The following B4GALT2 variants were observed in gnomAD, a reference collection of about 807,000 sequenced individuals.
B4GALT2 encodes N-acetyllactosamine synthase.
In B4GALT2, 18 loss-of-function variants were observed where a neutral mutation model predicts 33.2. That is an observed-to-expected ratio of 0.54 (90% confidence interval 0.38 to 0.80). The LOEUF is 0.80. B4GALT2 is among the 30% of genes least tolerant of loss of function. The probability of loss-of-function intolerance (pLI) is 0.00; values close to 1 mark genes in which losing one functional copy is unlikely to be tolerated. For missense variants in B4GALT2, 404 were observed against 526.2 expected, an observed-to-expected ratio of 0.77 and a Z score of 2.27; for synonymous variants, 214 against 217.6, an observed-to-expected ratio of 0.98 and a Z score of 0.15.
intron 6 of B4GALT2, 170 bp downstream of exon 6, chr1:43,985,791 C>T (rs1034474634): frequency 5.5e-5 from 36 of 649,556 alleles, no homozygotes; most frequent in East Asian, 2.7e-4. Flanking sequence ...ATCCAAGGCC[C>T]CTCAGGACTG....
chr1:43,984,632 T>G lies in B4GALT2; in HGVS notation c.550-233T>G, dbSNP rs1206845782. ...ATTCCGGGGCTGCTGAGGGATGTTG[T>G]GTGGCTGGGCCTCGGGACCTGAGGG... is the stretch of plus-strand genomic sequence containing the variant. On this transcript the variant is annotated intron_variant, in intron 3 of 6. Coordinates refer to ENST00000372324, the MANE Select transcript of B4GALT2 (RefSeq NM_003780.5). The surrounding 1 kb of genome is among the most constrained non-coding windows in gnomAD (Gnocchi z 5.6). 6.6e-6 allele frequency among the ~76,000 whole-genome samples: 1 copy of G among 152,182 alleles called. No homozygotes were observed. The highest frequency in any genetic ancestry group is 6.5e-5 in the Admixed American group (1 of 15,276).
Position 43,979,670 on chromosome 1 carries a change from C to A in B4GALT2, c.-53+159C>A. On this transcript the variant is annotated intron_variant, in intron 1 of 6. Transcript: ENST00000372324. The surrounding 1 kb of genome is among the most constrained non-coding windows in gnomAD (Gnocchi z 4.8). ...GGCCTGGCTGCCCCCACCCCGCCCCCACTCCGGCGCCCCTCCTGGGCTTCT... is the reference window on the plus strand; with the variant it reads ...GGCCTGGCTGCCCCCACCCCGCCCCAACTCCGGCGCCCCTCCTGGGCTTCT... 1 of 222,672 alleles carries A rather than the reference C, an allele frequency of 4.5e-6. No individual in the cohort carries two copies. Among genetic ancestry groups the A allele is most frequent in the East Asian group, 9.9e-5 (1 of 10,140 alleles). 13.8% of individuals were successfully genotyped at this position (222,672 alleles called of 1,614,324 possible). A position where few individuals can be genotyped will look rare whatever the true frequency, so the allele number is the denominator to read the frequency against.
At chr1:43,983,977 C>T (rs908754254) in intron 3 of B4GALT2, among the ~76,000 whole-genome samples, 1 of 152,204 alleles carries the variant, frequency 6.6e-6, no homozygotes, top group Non-Finnish European at 1.5e-5. Flanking sequence ...CACCGATCCC[C>T]TCTCCAGGAA....
In B4GALT2 at chr1:43,984,927, G is replaced by A; in HGVS notation, c.612G>A (p.Lys204=). Residue 204 remains lysine (K), a synonymous_variant, in exon 4 of 7, where the codon AAG becomes AAA. Coordinates refer to ENST00000372324, the MANE Select transcript of B4GALT2 (RefSeq NM_003780.5). The surrounding 1 kb of genome is among the most constrained non-coding windows in gnomAD (Gnocchi z 5.6). ...LLNVGFLEAL[K]EDAAYDCFIF... ...ACGTGGGCTTCCTAGAGGCGCTGAA[G>A]GAGGATGCCGCCTATGACTGCTTCA... 1 of 1,614,098 alleles carries A rather than the reference G, an allele frequency of 6.2e-7. No individual in the cohort carries two copies.
chr1:43,981,334 T>C lies in B4GALT2; in HGVS notation c.174T>C (p.Ala58=). 1 of 1,601,402 alleles carries C rather than the reference T, an allele frequency of 6.2e-7. No homozygotes were observed. Among genetic ancestry groups the C allele is most frequent in the Non-Finnish European group, 8.5e-7 (1 of 1,179,798 alleles). The stretch of plus-strand genomic sequence containing the variant: ...CTGCCCATGCCCTCCACCCAGCTGC[T>C]AGCAGCAGCAGCAGCAGCAGCAACT... ...RGPAHALHPA[A]SSSSSSSNCS... is the part of the protein sequence containing the mutation. Residue 58 remains alanine (A), a synonymous_variant, in exon 2 of 7, where the codon GCT becomes GCC. Coordinates refer to ENST00000372324, the MANE Select transcript of B4GALT2 (RefSeq NM_003780.5). This position sits in a 1 kb window ranked among gnomAD's most constrained non-coding sequence, Gnocchi z 8.1.
chr1:43,980,567 C>G lies in B4GALT2; in HGVS notation c.-52-542C>G, dbSNP rs569302707. The G allele has an allele frequency of 6.0e-6, 6 of 995,056 alleles. No individual in the cohort carries two copies. In the African/African-American group the frequency reaches 1.0e-4, roughly 17 times the overall value. 61.6% of individuals were successfully genotyped at this position (995,056 alleles called of 1,614,324 possible). A position where few individuals can be genotyped will look rare whatever the true frequency, so the allele number is the denominator to read the frequency against. ...ATGACCAAACCACTTCCCACCATGGCTCCTGGAAGGACTAAATGAAGTCAT... is the reference window on the plus strand; with the variant it reads ...ATGACCAAACCACTTCCCACCATGGGTCCTGGAAGGACTAAATGAAGTCAT... On this transcript the variant is annotated intron_variant, in intron 1 of 6. Coordinates refer to ENST00000372324, the MANE Select transcript of B4GALT2 (RefSeq NM_003780.5).
chr1:43,985,935 T>C (rs914317161), intron 6 of B4GALT2: 8 of 410,120 alleles, frequency 2.0e-5, no homozygotes, highest in African/African-American at 1.6e-4. Flanking sequence ...ATTGCATTCC[T>C]ATTGGTGCCC....
Position 43,985,326 on chromosome 1 carries a change from T to C in B4GALT2, c.789T>C (p.Ala263=). Reference sequence around the variant, plus strand: ...GAGGTGTGTCAGGCCTGAGTAAGGCTCAGTTTCTGAGAATCAATGGCTTCC... The same window carrying C: ...GAGGTGTGTCAGGCCTGAGTAAGGCCCAGTTTCTGAGAATCAATGGCTTCC... ...YFGGVSGLSK[A]QFLRINGFPN... Residue 263 remains alanine (A), a synonymous_variant, in exon 5 of 7, where the codon GCT becomes GCC. Coordinates refer to ENST00000372324, the MANE Select transcript of B4GALT2 (RefSeq NM_003780.5). 2 of 1,613,230 alleles carry C rather than the reference T, an allele frequency of 1.2e-6. No homozygotes were observed. The highest frequency in any genetic ancestry group is 1.7e-6 in the Non-Finnish European group (2 of 1,179,692).
intron 6 of B4GALT2, among the ~76,000 whole-genome samples, chr1:43,988,840 C>G (rs1447420917): frequency 9.7e-6 from 1 of 103,576 alleles, no homozygotes; most frequent in Non-Finnish European, 1.9e-5. Flanking sequence ...GAGCAAGACT[C>G]TGTCTCAAAA....
intron 6 of B4GALT2, 140 bp from the exon 7 acceptor site, chr1:43,990,158 A>G: frequency 1.9e-6 from 2 of 1,070,988 alleles, no homozygotes; most frequent in South Asian, 3.0e-5. Flanking sequence ...CCTTCCCATC[A>G]TAGCTGGAAA....
intron 1 of B4GALT2, chr1:43,980,194 G>C: frequency 2.3e-6 from 2 of 868,826 alleles, no homozygotes; most frequent in African/African-American, 3.6e-5. Flanking sequence ...CTGAAGCACT[G>C]CCAGAAGTGG....
At position 43,984,715 on chromosome 1, in the gene B4GALT2, G is replaced by A. The variant is rs989280090; in HGVS notation, c.550-150G>A. 9.6e-6 allele frequency: 8 copies of A among 829,492 alleles called. No individual in the cohort carries two copies. Among genetic ancestry groups the A allele is most frequent in the East Asian group, 5.4e-5 (2 of 37,064 alleles). 51.4% of individuals were successfully genotyped at this position (829,492 alleles called of 1,614,324 possible). The stretch of plus-strand genomic sequence containing the variant: ...GAAAGGCCTTTGTAGGCCAGATCCC[G>A]GTCGAGAAGCTGGACTAGATCCTGA... On this transcript the variant is annotated intron_variant, in intron 3 of 6. Coordinates refer to ENST00000372324, the MANE Select transcript of B4GALT2 (RefSeq NM_003780.5). This position sits in a 1 kb window ranked among gnomAD's most constrained non-coding sequence, Gnocchi z 5.6.
Position 43,990,724 on chromosome 1 carries a change from G to T in B4GALT2, c.*276G>T, listed in dbSNP as rs878904815. The T allele has an allele frequency of 4.1e-6, 2 of 482,368 alleles. No homozygotes were observed. Among genetic ancestry groups the T allele is most frequent in the African/African-American group, 3.9e-5 (2 of 51,332 alleles). The allele number at this position is 482,368 out of a possible 1,614,324, so 29.9% of individuals were successfully genotyped here. On this transcript the variant is annotated 3_prime_UTR_variant, in exon 7 of 7. Coordinates refer to ENST00000372324, the MANE Select transcript of B4GALT2 (RefSeq NM_003780.5). ...CAGCCCCAGTCACTGTCAGGGTCGG[G>T]CCAGCCCCTGCACTGCCTCGCAGAG...
rs1302306235 is a variant in B4GALT2 at position 43,981,702 on chromosome 1, G to A, written c.327G>A (p.Leu109=). 2.5e-6 allele frequency: 4 copies of A among 1,610,302 alleles called. No homozygotes were observed. Among genetic ancestry groups the A allele is most frequent in the Non-Finnish European group, 3.4e-6 (4 of 1,178,168 alleles). ...DSPPGLVGRL[L]IEFTSPMPLE... is the part of the protein sequence containing the mutation. Reference sequence around the variant, plus strand: ...TCCTGTCTGCAGTGGGCAGACTGCTGATCGAGTTCACCTCACCCATGCCCC... The same window carrying A: ...TCCTGTCTGCAGTGGGCAGACTGCTAATCGAGTTCACCTCACCCATGCCCC... The change falls in exon 3 of 7, where the codon CTG becomes CTA. Residue 109 remains leucine (L), a synonymous_variant. Transcript: ENST00000372324. The surrounding 1 kb of genome is among the most constrained non-coding windows in gnomAD (Gnocchi z 8.1).
At chr1:43,980,064 T>C in intron 1 of B4GALT2, 1 of 1,491,814 alleles carries the variant, frequency 6.7e-7, no homozygotes, top group Non-Finnish European at 8.9e-7. Flanking sequence ...TGGGACTTAG[T>C]GTGTTACTGT....
In B4GALT2 at chr1:43,981,992, G is replaced by A. The variant is rs1426570750; in HGVS notation, c.549+68G>A. On this transcript the variant is annotated intron_variant, in intron 3 of 6. Coordinates refer to ENST00000372324, the MANE Select transcript of B4GALT2 (RefSeq NM_003780.5). The surrounding 1 kb of genome is among the most constrained non-coding windows in gnomAD (Gnocchi z 8.1). ...GGGTTGGGGGCGTTTGTGGGTCCTT[G>A]TCTGCCCGTGTGGATATGTGGATGG... 1.3e-6 allele frequency: 2 copies of A among 1,488,720 alleles called. No homozygotes were observed. Among genetic ancestry groups the A allele is most frequent in the Non-Finnish European group, 9.2e-7 (1 of 1,083,024 alleles). 92.2% of individuals were successfully genotyped at this position (1,488,720 alleles called of 1,614,324 possible).
chr1:43,985,481 T>C, intron 5 of B4GALT2, 36 bp from the exon 6 acceptor site: 1 of 1,584,824 alleles, frequency 6.3e-7, no homozygotes, highest in Non-Finnish European at 8.6e-7. Context: ...TTGCCCTTCC[T>C]GGAGCCTGTT....
intron 5 of B4GALT2, 47 bp downstream of exon 5, chr1:43,985,447 G>C (rs750854364): frequency 3.5e-6 from 3 of 860,480 alleles, no homozygotes; most frequent in Admixed American, 2.1e-5. Context: ...GGGGGGAGGG[G>C]GGGTGCAGAC....
chr1:43,985,178 C>A, intron 4 of B4GALT2, 100 bp from the exon 5 acceptor site: 1 of 1,559,752 alleles, frequency 6.4e-7, no homozygotes, highest in Non-Finnish European at 8.7e-7. Flanking sequence ...AGGCTGGATC[C>A]TCCCTGGACC....
Sources: allele counts gnomAD v4.1 joint callset (sites outside exome capture counted in the v4.1 genomes callset), GRCh38; gene constraint gnomAD v4.1.1; non-coding constraint Gnocchi (gnomAD v3.1); transcripts MANE v1.5; gene names NCBI Gene and HGNC (gene_info 2026-07-23, HGNC 2026-07-21).